TULP4: variants seen among roughly 807,000 people sequenced by gnomAD.
TULP4 encodes the protein TUB like protein 4.
A neutral mutation model predicts 129.0 loss-of-function variants in TULP4; 16 were observed. The observed-to-expected ratio is 0.12, with a 90% CI of 0.08 to 0.19. The LOEUF is 0.19. TULP4 is among the 10% of genes least tolerant of loss of function. TULP4 has a pLI of 1.00. For synonymous variants in TULP4, 998 were observed against 854.0 expected (o/e 1.17, Z -2.94); for missense variants, 1,842 against 2,059.1 (o/e 0.89, Z 2.04).
chr6:158,423,376 A>G (rs1187841115), intron 2 of TULP4, among the ~76,000 whole-genome samples: 1 of 152,230 alleles, frequency 6.6e-6, no homozygotes, highest in Non-Finnish European at 1.5e-5. Flanking sequence ...TCTGTTACAC[A>G]GTAGAGTAAG....
chr6:158,240,844 G>T lies in TULP4; in HGVS notation n.68+8541G>T, dbSNP rs547316797. On this transcript the variant is annotated intron_variant and non_coding_transcript_variant, in intron 1 of 1. Transcript: ENST00000620026. ...GATGGCATGGCTGGCTGGGCGGGGG[G>T]GCTGACCCCCCACCTCCCTCCCGGA... Among the ~76,000 whole-genome samples the T allele has an allele frequency of 3.5e-3, 526 of 150,742 alleles. 3 individuals are homozygous for T. Among genetic ancestry groups the T allele is most frequent in the Non-Finnish European group, 5.5e-3 (368 of 67,366 alleles).
chr6:158,232,352 G>A (rs1777611825), intron 1 of TULP4: 1 of 148,476 alleles, frequency 6.7e-6, no homozygotes, highest in Non-Finnish European at 1.5e-5. Context: ...CCGCGGGAGG[G>A]GGCGCCGGCC....
At chr6:158,349,007 C>T (rs1187061402) in intron 1 of TULP4, among the ~76,000 whole-genome samples, 4 of 66,682 alleles carry the variant, frequency 6.0e-5, no homozygotes, top group African/African-American at 2.5e-4. Context: ...CAGAGGCGCT[C>T]CTCACTTCCC....
rs770275424 is a variant in TULP4 at position 158,412,340 on chromosome 6, G to C, written c.253-725G>C. 2.6e-5 allele frequency among the ~76,000 whole-genome samples: 4 copies of C among 152,128 alleles called. No homozygotes were observed. In the South Asian group the frequency reaches 8.3e-4, roughly 32 times the overall value. ...ACCATTCCATAACCCTCAGTCCCTC[G>C]CTACTTTTACTGGGCCCTGTGAGGC... On this transcript the variant is annotated intron_variant, in intron 1 of 13. Coordinates refer to ENST00000367097, the MANE Select transcript of TULP4 (RefSeq NM_020245.5).
chr6:158,236,795 C>CTTTATTTTTTTTTTTT (rs1777712324), intron 1 of TULP4, among the ~76,000 whole-genome samples: 1 of 63,292 alleles, frequency 1.6e-5, no homozygotes, highest in African/African-American at 7.2e-5. Flanking sequence ...CAATTCTTTT[C>CTTTATTTTTTTTTTTT]TTTTTTTTTT....
chr6:158,484,184 C>A (rs1780013402), intron 8 of TULP4, among the ~76,000 whole-genome samples: 1 of 151,694 alleles, frequency 6.6e-6, no homozygotes, highest in Non-Finnish European at 1.5e-5. Context: ...ACTGGCCTCC[C>A]ATAGTGCTGG....
At chr6:158,450,920 C>CTGGG (rs1779150086) in intron 4 of TULP4, among the ~76,000 whole-genome samples, 1 of 152,038 alleles carries the variant, frequency 6.6e-6, no homozygotes, top group East Asian at 1.9e-4. Flanking sequence ...AAAAAATTAG[C>CTGGG]CAAGCATGGT....
chr6:158,274,604 G>C (rs182428614), intron 1 of TULP4, among the ~76,000 whole-genome samples: 446 of 152,130 alleles, frequency 2.9e-3, no homozygotes, highest in African/African-American at 0.01. Context: ...TTGAAACCCT[G>C]TCTCTACTAA....
At chr6:158,454,026 C>CA (rs1431112068) in intron 5 of TULP4, among the ~76,000 whole-genome samples, 2 of 148,412 alleles carry the variant, frequency 1.3e-5, no homozygotes, top group Non-Finnish European at 3.0e-5. Flanking sequence ...GCACCGCCCC[C>CA]CCCCAAGTAA....
Position 158,444,363 on chromosome 6 carries a change from C to T in TULP4, c.544-4633C>T, listed in dbSNP as rs190259505. 2.7e-5 allele frequency among the ~76,000 whole-genome samples: 4 copies of T among 147,238 alleles called. No homozygotes were observed. The South Asian group carries it at 6.6e-4, about 24-fold the overall frequency. On this transcript the variant is annotated intron_variant, in intron 3 of 13. Coordinates refer to ENST00000367097, the MANE Select transcript of TULP4 (RefSeq NM_020245.5). ...ATTTCTCTATCTGCAGCTACACATG[C>T]GTGCCACCAGAGGTGCTAAGGTTAC...
At chr6:158,365,100 G>A (rs1780900074) in intron 1 of TULP4, among the ~76,000 whole-genome samples, 2 of 151,758 alleles carry the variant, frequency 1.3e-5, no homozygotes, top group African/African-American at 2.4e-5. Flanking sequence ...TGAGATTCAA[G>A]TCTTCAATTA....
chr6:158,351,765 T>C (rs1276082375), intron 1 of TULP4, among the ~76,000 whole-genome samples: 2 of 129,736 alleles, frequency 1.5e-5, no homozygotes, highest in Admixed American at 1.8e-4. Flanking sequence ...GTTGCCCAGG[T>C]TGGAGTGCAG....
chr6:158,276,067 T>G (rs1381612993), intron 1 of TULP4, among the ~76,000 whole-genome samples: 50 of 152,210 alleles, frequency 3.3e-4, no homozygotes, highest in Non-Finnish European at 7.4e-5. Context: ...CTGCAAGAGT[T>G]TAAGCGACTC....
intron 1 of TULP4, chr6:158,237,408 T>C (rs1170698941): frequency 6.2e-7 from 1 of 1,607,560 alleles, no homozygotes; most frequent in Non-Finnish European, 8.5e-7. Flanking sequence ...CCCCTGCAGG[T>C]CTCTGGTGTC....
At chr6:158,404,361 G>A (rs1777925379) in intron 1 of TULP4, among the ~76,000 whole-genome samples, 1 of 152,182 alleles carries the variant, frequency 6.6e-6, no homozygotes, top group Non-Finnish European at 1.5e-5. Context: ...CCATGGAGAT[G>A]CTTGGAAGAT....
At chr6:158,403,648 C>T (rs1419858599) in intron 1 of TULP4, among the ~76,000 whole-genome samples, 5 of 152,152 alleles carry the variant, frequency 3.3e-5, no homozygotes, top group Admixed American at 6.5e-5. Context: ...GGGGACATTT[C>T]GCGTGTTAGG....
chr6:158,244,965 T>G (rs1777999687), intron 1 of TULP4, among the ~76,000 whole-genome samples: 1 of 152,254 alleles, frequency 6.6e-6, no homozygotes, highest in African/African-American at 2.4e-5. Flanking sequence ...TTTCAGTGAT[T>G]ATGTTGGCAA....
intron 2 of TULP4, among the ~76,000 whole-genome samples, chr6:158,420,479 TTTTTG>T (rs1181699718): frequency 2.6e-5 from 4 of 152,120 alleles, no homozygotes; most frequent in Non-Finnish European, 5.9e-5. Context: ...CCCTGTCTGT[TTTTTG>T]TTTTGTTTTG....
intron 13 of TULP4, among the ~76,000 whole-genome samples, chr6:158,504,884 G>A (rs967970024): frequency 1.3e-5 from 2 of 152,168 alleles, no homozygotes; most frequent in African/African-American, 4.8e-5. Context: ...GAATGTGAGG[G>A]TTAGTTTTGC....
Sources: gnomAD v4.1 joint callset for allele counts (sites outside exome capture counted in the v4.1 genomes callset) on GRCh38, gnomAD v4.1.1 for gene constraint, MANE v1.5 for transcripts, NCBI Gene and HGNC (gene_info 2026-07-23, HGNC 2026-07-21) for gene names.